GIT1: variants seen among roughly 807,000 people sequenced by gnomAD.
The protein encoded by GIT1 is ARF GTPase-activating protein GIT1.
Under a neutral mutation model 91.7 loss-of-function variants are expected in GIT1, and 14 were observed. The observed-to-expected ratio is 0.15, with a 90% CI of 0.10 to 0.24. GIT1 has a LOEUF of 0.24. Ranked by LOEUF, GIT1 falls within the 10% of genes least tolerant of loss-of-function variation. The pLI, the probability that GIT1 is intolerant of heterozygous loss-of-function variation, is 1.00. For missense variants in GIT1, 717 were observed against 1,024.9 expected (o/e 0.70, Z 4.10); for synonymous variants, 414 against 418.2 (o/e 0.99, Z 0.12).
At chr17:29,578,235 A>T in intron 9 of GIT1, 64 bp downstream of exon 9, 3 of 1,310,606 alleles carry the variant, frequency 2.3e-6, no homozygotes, top group Non-Finnish European at 3.3e-6. Flanking sequence ...CCAGTAAAGG[A>T]CCAGAGACCC....
rs771110648 is a variant in GIT1 at position 29,581,952 on chromosome 17, C to T, written c.598G>A (p.Gly200Ser). Residue 200 changes from glycine (G) to serine (S), a missense_variant, in exon 5 of 20, where the codon GGC (glycine) becomes AGC (serine). This residue lies in a region of GIT1 where 271 missense variants were observed against 451.6 expected (regional missense o/e 0.60). Coordinates refer to ENST00000225394, the MANE Select transcript of GIT1 (RefSeq NM_014030.4). This position sits in a 1 kb window ranked among gnomAD's most constrained non-coding sequence, Gnocchi z 4.8. Reference sequence around the variant, plus strand: ...CTGGCATAGTCAATGGGTGTGCGGCCATTAACATCAGGGGAGCCAGGGTCA... The same window carrying T: ...CTGGCATAGTCAATGGGTGTGCGGCTATTAACATCAGGGGAGCCAGGGTCA... ...GADPGSPDVN[G>S]RTPIDYARQA... 1.1e-5 allele frequency: 17 copies of T among 1,612,882 alleles called. 1 individual carries two copies. The highest frequency in any genetic ancestry group is 1.6e-4 in the Middle Eastern group (1 of 6,084).
Position 29,577,250 on chromosome 17 carries a change from G to C in GIT1, c.982-3C>G. On this transcript the variant is annotated splice_polypyrimidine_tract_variant and splice_region_variant and intron_variant, in intron 10 of 19. Transcript: ENST00000225394. ...AAGCGGGCCAGCTTTTGTCGCCCCT[G>C]CAAGGCAGAAAGGGCCAGGCTGGCT... 1 of 1,613,090 alleles carries C rather than the reference G, an allele frequency of 6.2e-7. No homozygotes were observed. Among genetic ancestry groups the C allele is most frequent in the East Asian group, 2.2e-5 (1 of 44,884 alleles).
chr17:29,575,267 A>T lies in GIT1; in HGVS notation c.2009+21T>A, dbSNP rs749537581. ...AGCCAACAGGAACTGCATCCCCCTCACCTCCCCCTCCACTCAGTACCTGTC... is the reference window on the plus strand; with the variant it reads ...AGCCAACAGGAACTGCATCCCCCTCTCCTCCCCCTCCACTCAGTACCTGTC... On this transcript the variant is annotated intron_variant, in intron 18 of 19. Transcript: ENST00000225394. This position sits in a 1 kb window ranked among gnomAD's most constrained non-coding sequence, Gnocchi z 5.5. 2.5e-6 allele frequency: 4 copies of T among 1,593,604 alleles called. No individual in the cohort carries two copies. In the African/African-American group the frequency reaches 4.1e-5, roughly 16 times the overall value.
In GIT1 at chr17:29,574,506, G is replaced by A. The variant is rs745922170; in HGVS notation, c.*196C>T. 3.1e-6 allele frequency: 2 copies of A among 639,788 alleles called. No individual in the cohort carries two copies. The highest frequency in any genetic ancestry group is 5.0e-5 in the Admixed American group (2 of 39,688). 39.6% of individuals were successfully genotyped at this position (639,788 alleles called of 1,614,324 possible). On this transcript the variant is annotated 3_prime_UTR_variant, in exon 20 of 20. Coordinates refer to ENST00000225394, the MANE Select transcript of GIT1 (RefSeq NM_014030.4). ...GGTGCATGGAATGTGGGGGACAGAAGCTCCTGCCCCCCCACCTCCCCATCC... is the reference window on the plus strand; with the variant it reads ...GGTGCATGGAATGTGGGGGACAGAAACTCCTGCCCCCCCACCTCCCCATCC...
In GIT1 at chr17:29,581,773, C is replaced by A; in HGVS notation, c.687G>T (p.Arg229=). Residue 229 remains arginine (R), a synonymous_variant, in exon 6 of 20, where the codon CGG becomes CGT. Coordinates refer to ENST00000225394, the MANE Select transcript of GIT1 (RefSeq NM_014030.4). This position sits in a 1 kb window ranked among gnomAD's most constrained non-coding sequence, Gnocchi z 4.8. ...LVECQYELTD[R]LAFYLCGRKP... is the part of the protein sequence containing the mutation. ...TGCGTCCACAGAGGTAGAAGGCCAGCCGGTCAGTGAGCTCATATTGGCACT... is the reference window on the plus strand; with the variant it reads ...TGCGTCCACAGAGGTAGAAGGCCAGACGGTCAGTGAGCTCATATTGGCACT... 1 of 1,611,870 alleles carries A rather than the reference C, an allele frequency of 6.2e-7. No individual in the cohort carries two copies. Among genetic ancestry groups the A allele is most frequent in the Non-Finnish European group, 8.5e-7 (1 of 1,179,912 alleles).
rs377526257 is a variant in GIT1 at position 29,577,678 on chromosome 17, A to C, written c.948T>G (p.Pro316=). ...GCGTGGCTGAGTATTCCGGGTTAACAGGCAGGAAGGGCACGGCACTGCGCT... is the reference window on the plus strand; with the variant it reads ...GCGTGGCTGAGTATTCCGGGTTAACCGGCAGGAAGGGCACGGCACTGCGCT... The part of the protein sequence containing the change: ...VTERSAVPFL[P]VNPEYSATRN... Residue 316 remains proline (P), a synonymous_variant, in exon 10 of 20, where the codon CCT becomes CCG. Coordinates refer to ENST00000225394, the MANE Select transcript of GIT1 (RefSeq NM_014030.4). 7 of 1,612,660 alleles carry C rather than the reference A, an allele frequency of 4.3e-6. No individual in the cohort carries two copies. Among genetic ancestry groups the C allele is most frequent in the Non-Finnish European group, 5.9e-6 (7 of 1,178,930 alleles).
At chr17:29,585,325 G>C (rs1044782998) in intron 1 of GIT1, among the ~76,000 whole-genome samples, 32 of 152,260 alleles carry the variant, frequency 2.1e-4, no homozygotes, top group African/African-American at 7.7e-4. Flanking sequence ...TCCTCTTGGT[G>C]GGGTTTCCTG....
intron 4 of GIT1, 51 bp downstream of exon 4, chr17:29,582,647 G>T: frequency 8.0e-7 from 1 of 1,246,998 alleles, no homozygotes; most frequent in Non-Finnish European, 1.2e-6. Flanking sequence ...AGAGAGTCGT[G>T]GATGGGAAGA....
rs753598369 is a variant in GIT1 at position 29,576,221 on chromosome 17, G to A, written c.1610C>T (p.Thr537Ile). Residue 537 changes from threonine (T) to isoleucine (I), a missense_variant and splice_region_variant, in exon 14 of 20, where the codon ACT becomes ATT. Physicochemically the swap from Thr to Ile is moderately conservative, Grantham distance 89 (BLOSUM62 -1). This residue lies in a region of GIT1 where 312 missense variants were observed against 349.5 expected (regional missense o/e 0.89). Transcript: ENST00000225394. ...CCTTGAGACCCATAGGTGACTCACA[G>A]TGCTGTGGAAAGGCTGCAGCCGCGT... Reference protein sequence around the residue: ...LTTRLQPFHSTELEDDAIYSV... With the variant: ...LTTRLQPFHSIELEDDAIYSV... 3.1e-6 allele frequency: 5 copies of A among 1,607,454 alleles called. No homozygotes were observed.
At position 29,576,547 on chromosome 17, in the gene GIT1, T is replaced by C. The variant is rs1262988549; in HGVS notation, c.1355A>G (p.Asp452Gly). The C allele has an allele frequency of 5.0e-6, 8 of 1,613,824 alleles. No homozygotes were observed. The highest frequency in any genetic ancestry group is 1.3e-5 in the African/African-American group (1 of 74,906). Residue 452 changes from aspartate to glycine, a missense_variant, in exon 13 of 20, where the codon GAC (aspartate) becomes GGC (glycine). Around this residue, in one of 3 missense-constraint regions of GIT1, gnomAD observed 312 missense variants for 349.5 expected, o/e 0.89. Coordinates refer to ENST00000225394, the MANE Select transcript of GIT1 (RefSeq NM_014030.4). Reference sequence around the variant, plus strand: ...CTCTCGCTGCAGCCTCCGGAGCTCGTCGCTCAGGCTACTGTTGACCTTCAT... The same window carrying C: ...CTCTCGCTGCAGCCTCCGGAGCTCGCCGCTCAGGCTACTGTTGACCTTCAT... ...QLMKVNSSLSDELRRLQREIH... is the reference protein window; with the variant it reads ...QLMKVNSSLSGELRRLQREIH...
chr17:29,583,142 C>A, intron 2 of GIT1, 105 bp from the exon 3 acceptor site: 1 of 760,762 alleles, frequency 1.3e-6, no homozygotes, highest in Non-Finnish European at 2.3e-6. Context: ...GAAACGGTAC[C>A]AAGGGGGCCT....
chr17:29,580,367 G>A (rs1002637579), intron 7 of GIT1, among the ~76,000 whole-genome samples: 1 of 152,222 alleles, frequency 6.6e-6, no homozygotes, highest in African/African-American at 2.4e-5. Flanking sequence ...GATCTGAGTC[G>A]CCCAGGCCTG....
intron 8 of GIT1, 68 bp from the exon 9 acceptor site, chr17:29,578,439 G>GC: frequency 7.0e-7 from 1 of 1,431,642 alleles, no homozygotes; most frequent in Non-Finnish European, 9.9e-7. Context: ...CAGCTCCCCA[G>GC]CATGTTGTGA....
intron 2 of GIT1, 72 bp downstream of exon 2, chr17:29,583,393 TGGGGGTGTATGTGGGTGA>T (rs2033469775): frequency 7.2e-7 from 1 of 1,385,428 alleles, no homozygotes; most frequent in Non-Finnish European, 1.0e-6. Flanking sequence ...AGATTCCAGA[TGGGGGTGTATGTGGGTGA>T]GGGGGAAACG....
At chr17:29,577,550 C>G in intron 10 of GIT1, 95 bp downstream of exon 10, 2 of 851,266 alleles carry the variant, frequency 2.3e-6, no homozygotes, top group Non-Finnish European at 4.0e-6. Context: ...CTGGCAAATG[C>G]TGGAGAGCTG....
At position 29,581,542 on chromosome 17, in the gene GIT1, C is replaced by A; in HGVS notation, c.719-162G>T. ...AATGCTGGGAGCTCGTGGGAGGATG[C>A]AGGATGCCCACCCCCACTCCCTAGC... is the stretch of plus-strand genomic sequence containing the variant. On this transcript the variant is annotated intron_variant, in intron 6 of 19. Coordinates refer to ENST00000225394, the MANE Select transcript of GIT1 (RefSeq NM_014030.4). This position sits in a 1 kb window ranked among gnomAD's most constrained non-coding sequence, Gnocchi z 4.8. 2 of 710,520 alleles carry A rather than the reference C, an allele frequency of 2.8e-6. No individual in the cohort carries two copies. Among genetic ancestry groups the A allele is most frequent in the Non-Finnish European group, 2.5e-6 (1 of 402,556 alleles). The allele number at this position is 710,520 out of a possible 1,614,324, so 44.0% of individuals were successfully genotyped here.
chr17:29,582,990 G>A lies in GIT1; in HGVS notation c.234C>T (p.His78=), dbSNP rs773887555. The A allele has an allele frequency of 6.8e-6, 11 of 1,612,156 alleles. No individual in the cohort carries two copies. The highest frequency in any genetic ancestry group is 3.4e-6 in the Non-Finnish European group (4 of 1,179,890). ...ASNGANSIWE[H]SLLDPAQVQS... is the part of the protein sequence containing the mutation. ...GCACTTGTGCGGGGTCCAGCAGGGA[G>A]TGCTCCCAGATGGAGTTGGCCCCGT... The change falls in exon 3 of 20, where the codon CAC becomes CAT. Residue 78 remains histidine (H), a synonymous_variant. Coordinates refer to ENST00000225394, the MANE Select transcript of GIT1 (RefSeq NM_014030.4).
Position 29,581,246 on chromosome 17 carries a change from A to T in GIT1, c.761+92T>A, listed in dbSNP as rs1009314849. Reference sequence around the variant, plus strand: ...CTCTGGGGGGAGGGAGCAGGGTCCTAGGCCTCTGAAACCTGGGCTGGGAGC... The same window carrying T: ...CTCTGGGGGGAGGGAGCAGGGTCCTTGGCCTCTGAAACCTGGGCTGGGAGC... On this transcript the variant is annotated intron_variant, in intron 7 of 19. Transcript: ENST00000225394. This position sits in a 1 kb window ranked among gnomAD's most constrained non-coding sequence, Gnocchi z 4.8. 2.6e-5 allele frequency: 23 copies of T among 891,932 alleles called. No homozygotes were observed. Among genetic ancestry groups the T allele is most frequent in the African/African-American group, 2.3e-4 (14 of 61,090 alleles). 55.3% of individuals were successfully genotyped at this position (891,932 alleles called of 1,614,324 possible). A position where few individuals can be genotyped will look rare whatever the true frequency, so the allele number is the denominator to read the frequency against.
chr17:29,576,680 G>A lies in GIT1; in HGVS notation c.1228-6C>T. ...AAGTCCGAGGAGTCCATGCTCTGCA[G>A]AGAGAGACCTAAGCTGGTCAGCACC... On this transcript the variant is annotated splice_polypyrimidine_tract_variant and splice_region_variant and intron_variant, in intron 12 of 19. Transcript: ENST00000225394. The A allele has an allele frequency of 1.9e-6, 3 of 1,613,808 alleles. No individual in the cohort carries two copies. The highest frequency in any genetic ancestry group is 2.5e-6 in the Non-Finnish European group (3 of 1,179,986).
Sources: gnomAD v4.1 joint callset for allele counts (sites outside exome capture counted in the v4.1 genomes callset) on GRCh38, gnomAD v4.1.1 for gene constraint, gnomAD v4.1.1 regional missense constraint, Gnocchi (gnomAD v3.1) non-coding constraint, MANE v1.5 for transcripts, NCBI Gene and HGNC (gene_info 2026-07-23, HGNC 2026-07-21) for gene names.